WASHC1: variants seen among roughly 807,000 people sequenced by gnomAD.
The protein encoded by WASHC1 is WASH complex subunit 1, also known as CXYorf1-like protein on chromosome 9.
A neutral mutation model predicts 26.1 loss-of-function variants in WASHC1; 11 were observed. The observed-to-expected ratio is 0.42, with a 90% CI of 0.27 to 0.70. The LOEUF is 0.70. WASHC1 is among the 30% of genes least tolerant of loss of function. The pLI is 0.24. For synonymous variants in WASHC1, 37 were observed against 126.6 expected (o/e 0.29, Z 4.75); for missense variants, 96 against 304.9 (o/e 0.31, Z 5.10).
At chr9:23,423 T>C (rs1481870467) in intron 2 of WASHC1, among the ~76,000 whole-genome samples, 1 of 109,324 alleles carries the variant, frequency 9.1e-6, no homozygotes, top group Non-Finnish European at 1.7e-5. Context: ...ACAGGGGAGC[T>C]GGATCTGAGC....
At chr9:28,705 T>G (rs1428671946) in intron 1 of WASHC1, 1 of 69,464 alleles carries the variant, frequency 1.4e-5, no homozygotes, top group Non-Finnish European at 2.7e-5. Context: ...ATGGTGGGTT[T>G]TTTTTTTTTT....
At chr9:15,041 A>T in intron 10 of WASHC1, 40 bp downstream of exon 10, 1 of 1,325,148 alleles carries the variant, frequency 7.5e-7, no homozygotes, top group South Asian at 1.3e-5. Flanking sequence ...ACAGAATTAC[A>T]ATGTGCCGGC....
chr9:14,962 A>G (rs1285807475), intron 10 of WASHC1, 22 bp from the exon 11 acceptor site: 4 of 1,328,674 alleles, frequency 3.0e-6, no homozygotes, highest in South Asian at 1.3e-5. Flanking sequence ...AGGCTGAGTG[A>G]GGGTGGTTGG....
Position 21,294 on chromosome 9 carries a change from TGGA to T in WASHC1, c.150-2805_150-2803del, listed in dbSNP as rs1471692566. ...TGTCCAGTGCCACAGGAGGGGCAAG[TGGA>T]GGAGGAGAGGTGGCGGTGCTCCCCA... On this transcript the variant is annotated intron_variant, in intron 2 of 10. Transcript: ENST00000442898. Among the ~76,000 whole-genome samples the T allele has an allele frequency of 4.8e-5, 7 of 147,338 alleles. No homozygotes were observed. The South Asian group carries it at 6.5e-4, about 14-fold the overall frequency.
At chr9:14,676 C>G in exon 11 of WASHC1, 1 of 1,195,120 alleles carries the variant, frequency 8.4e-7, no homozygotes, top group South Asian at 1.4e-5. Context: ...CTCCTTGAAG[C>G]TGGTCTCCAC....
intron 9 of WASHC1, among the ~76,000 whole-genome samples, 185 bp from the exon 10 acceptor site, chr9:15,334 C>T (rs1329546711): frequency 2.4e-4 from 1 of 4,250 alleles, no homozygotes; most frequent in Non-Finnish European, 4.5e-4. Flanking sequence ...TTTGAGGAGC[C>T]ACCTCCCAGC....
In WASHC1 at chr9:15,907, A is replaced by C; in HGVS notation, c.1195+2T>G. The C allele has an allele frequency of 7.1e-7, 1 of 1,400,860 alleles. No individual in the cohort carries two copies. Among genetic ancestry groups the C allele is most frequent in the Non-Finnish European group, 9.6e-7 (1 of 1,039,274 alleles). 86.8% of individuals were successfully genotyped at this position (1,400,860 alleles called of 1,614,324 possible). On this transcript the variant is annotated splice_donor_variant, in intron 9 of 10. Coordinates refer to ENST00000442898, the Ensembl canonical transcript of WASHC1. LOFTEE classifies it high-confidence loss of function. ...CAACCGCAGGCTCCAGGGCCCGCTC[A>C]CCTTGCTCCTGCTCCTTCTGCTGCT...
intron 2 of WASHC1, among the ~76,000 whole-genome samples, chr9:22,596 ACAAT>A (rs1817090264): frequency 1.3e-5 from 1 of 75,984 alleles, no homozygotes; most frequent in Non-Finnish European, 2.3e-5. Context: ...CTAGCAATTA[ACAAT>A]CAATCTCGCC....
At position 14,987 on chromosome 9, in the gene WASHC1, T is replaced by C. The variant is rs1563689948; in HGVS notation, c.1265-47A>G. The C allele has an allele frequency of 7.6e-6, 9 of 1,179,734 alleles. 1 individual carries two copies. In the Admixed American group the frequency reaches 1.9e-4, roughly 25 times the overall value. The allele number at this position is 1,179,734 out of a possible 1,614,324, so 73.1% of individuals were successfully genotyped here. ...AGGGTGGTTGGTGGGAAACCCTGGT[T>C]CCCCCAGCCCCCGGAGACTTAAATA... On this transcript the variant is annotated intron_variant, in intron 10 of 10. Transcript: ENST00000442898.
intron 9 of WASHC1, 75 bp from the exon 10 acceptor site, chr9:15,224 A>G: frequency 5.2e-6 from 2 of 388,104 alleles, no homozygotes; most frequent in Middle Eastern, 6.4e-4. Flanking sequence ...CCCCACCCCC[A>G]TGACACTCCC....
chr9:24,147 C>T (rs1384781157), intron 2 of WASHC1, among the ~76,000 whole-genome samples: 2 of 62,660 alleles, frequency 3.2e-5, no homozygotes, highest in East Asian at 9.4e-4. Flanking sequence ...CACAGTACCC[C>T]ATCTCCCCTG....
exon 11 of WASHC1, chr9:14,828 G>A (rs766261270): frequency 7.1e-5 from 108 of 1,520,910 alleles, no homozygotes; most frequent in African/African-American, 2.8e-4. Flanking sequence ...AGTCGTCCTC[G>A]TCCTCCTCTG....
chr9:22,383 GCAGC>G (rs1817062059), intron 2 of WASHC1, among the ~76,000 whole-genome samples: 2 of 137,874 alleles, frequency 1.5e-5, no homozygotes, highest in Non-Finnish European at 3.0e-5. Context: ...GTCTGGGAAT[GCAGC>G]CAGACCCAAA....
chr9:17,085 C>T lies in WASHC1; in HGVS notation c.763G>A (p.Gly255Ser), dbSNP rs199659819. ...CTGTACATGAGGTCGTTGGCAATGC[C>T]GGGCAGGTCAGGCAGGTAGGATGGA... The change falls in exon 7 of 11, where the codon GGC becomes AGC. Residue 255 changes from glycine to serine, a missense_variant. Gly to Ser is a moderately conservative substitution (Grantham distance 56, BLOSUM62 0). Around this residue, in one of 4 missense-constraint regions of WASHC1, gnomAD observed 33 missense variants for 57.6 expected, o/e 0.57. Transcript: ENST00000442898. The T allele has an allele frequency of 1.3e-3, 1,924 of 1,447,072 alleles. 55 individuals are homozygous for T. The highest frequency in any genetic ancestry group is 1.9e-3 in the South Asian group (164 of 84,292). The allele number at this position is 1,447,072 out of a possible 1,614,324, so 89.6% of individuals were successfully genotyped here. A position where few individuals can be genotyped will look rare whatever the true frequency, so the allele number is the denominator to read the frequency against.
intron 10 of WASHC1, 53 bp from the exon 11 acceptor site, chr9:14,993 A>C: frequency 8.3e-7 from 1 of 1,199,980 alleles, no homozygotes; most frequent in Non-Finnish European, 1.2e-6. Flanking sequence ...TGGTTCCCCC[A>C]GCCCCCGGAG....
chr9:27,116 T>TG (rs1817394438), intron 1 of WASHC1, among the ~76,000 whole-genome samples: 1 of 82,220 alleles, frequency 1.2e-5, no homozygotes. Context: ...ACCGGGAAGG[T>TG]GGAGGTTGCA....
At position 15,912 on chromosome 9, in the gene WASHC1, G is replaced by A; in HGVS notation, c.1192C>T (p.Gln398Ter). 1 of 1,409,626 alleles carries A rather than the reference G, an allele frequency of 7.1e-7. No individual in the cohort carries two copies. Among genetic ancestry groups the A allele is most frequent in the Non-Finnish European group, 9.6e-7 (1 of 1,043,048 alleles). The allele number at this position is 1,409,626 out of a possible 1,614,324, so 87.3% of individuals were successfully genotyped here. A position where few individuals can be genotyped will look rare whatever the true frequency, so the allele number is the denominator to read the frequency against. Residue 398 changes from glutamine (Q) to a stop codon, truncating the protein, a stop_gained, in exon 9 of 11, where the codon CAA (glutamine) becomes TAA (stop). Transcript: ENST00000442898. LOFTEE classifies it high-confidence loss of function. ...GCAGGCTCCAGGGCCCGCTCACCTT[G>A]CTCCTGCTCCTTCTGCTGCTGCTTC...
At position 15,271 on chromosome 9, in the gene WASHC1, A is replaced by C. The variant is rs1816124709; in HGVS notation, c.1196-122T>G. On this transcript the variant is annotated intron_variant, in intron 9 of 10. Coordinates refer to ENST00000442898, the Ensembl canonical transcript of WASHC1. ...GGCCACTGTGTTTCCTAGTTAGCTCAGAGCCTCAGTCGATGCCTGACCCAG... is the reference window on the plus strand; with the variant it reads ...GGCCACTGTGTTTCCTAGTTAGCTCCGAGCCTCAGTCGATGCCTGACCCAG... The C allele has an allele frequency of 1.0e-5, 3 of 288,264 alleles. 1 individual carries two copies. The highest frequency in any genetic ancestry group is 1.8e-5 in the Non-Finnish European group (3 of 169,280). 17.9% of individuals were successfully genotyped at this position (288,264 alleles called of 1,614,324 possible). A position where few individuals can be genotyped will look rare whatever the true frequency, so the allele number is the denominator to read the frequency against.
chr9:27,042 A>T (rs1261460990), intron 1 of WASHC1, among the ~76,000 whole-genome samples: 1 of 97,260 alleles, frequency 1.0e-5, no homozygotes, highest in Admixed American at 1.1e-4. Flanking sequence ...AAAATTAGCC[A>T]GGCGTGGTGG....
Sources: allele counts gnomAD v4.1 joint callset (sites outside exome capture counted in the v4.1 genomes callset), GRCh38; gene constraint gnomAD v4.1.1; regional missense constraint gnomAD v4.1.1; transcripts MANE v1.5; gene names NCBI Gene and HGNC (gene_info 2026-07-23, HGNC 2026-07-21).